The following PLPP4 variants were observed in gnomAD, a reference collection of about 807,000 sequenced individuals.
PLPP4 encodes the protein phospholipid phosphatase 4.
A neutral mutation model predicts 32.2 loss-of-function variants in PLPP4; 20 were observed. That is an observed-to-expected ratio of 0.62 (90% CI 0.44 to 0.90). The LOEUF (loss-of-function observed/expected upper bound fraction) is 0.90. PLPP4 is among the 40% of genes least tolerant of loss of function. The pLI, the probability that PLPP4 is intolerant of heterozygous loss-of-function variation, is 0.00. For missense variants in PLPP4, 257 were observed against 353.1 expected (o/e 0.73, Z 2.18); for synonymous variants, 127 against 133.0 (o/e 0.95, Z 0.31).
intron 1 of PLPP4, among the ~76,000 whole-genome samples, chr10:120,480,443 C>G (rs111849329): frequency 7.9e-5 from 12 of 152,220 alleles, no homozygotes; most frequent in African/African-American, 2.9e-4. Flanking sequence ...CCAGCCTTAT[C>G]AAATTTGCGA....
Position 120,538,715 on chromosome 10 carries a change from T to C in PLPP4, c.445+17620T>C, listed in dbSNP as rs563330110. Among the ~76,000 whole-genome samples the C allele has an allele frequency of 1.5e-4, 23 of 152,316 alleles. No homozygotes were observed. The South Asian group carries it at 3.7e-3, about 25-fold the overall frequency. ...TTACATTCTAGCCACCCTGTCCTTT[T>C]CATGATAATGCAAATGGCTATCATT... On this transcript the variant is annotated intron_variant, in intron 5 of 6. Transcript: ENST00000398250.
rs868338670 is a variant in PLPP4 at position 120,528,590 on chromosome 10, T to C, written c.445+7495T>C. Reference sequence around the variant, plus strand: ...TCATGGTTTTTTCCCTGAATTTTTATAACCCTACATCTCAAGCTTCCAAGA... The same window carrying C: ...TCATGGTTTTTTCCCTGAATTTTTACAACCCTACATCTCAAGCTTCCAAGA... On this transcript the variant is annotated intron_variant, in intron 5 of 6. Coordinates refer to ENST00000398250, the MANE Select transcript of PLPP4 (RefSeq NM_001030059.3). 7.9e-5 allele frequency among the ~76,000 whole-genome samples: 12 copies of C among 152,262 alleles called. No homozygotes were observed. In the South Asian group the frequency reaches 2.5e-3, roughly 32 times the overall value.
chr10:120,530,960 A>G (rs1846679625), intron 5 of PLPP4, among the ~76,000 whole-genome samples: 1 of 151,996 alleles, frequency 6.6e-6, no homozygotes, highest in Non-Finnish European at 1.5e-5. Context: ...TACTACATTA[A>G]TTGGTGGAGT....
intron 5 of PLPP4, among the ~76,000 whole-genome samples, chr10:120,559,776 A>G (rs1419060661): frequency 1.3e-5 from 2 of 152,244 alleles, no homozygotes; most frequent in African/African-American, 2.4e-5. Context: ...ATCTACATGT[A>G]TCATTTACTA....
chr10:120,569,016 A>G (rs1848809697), intron 5 of PLPP4, among the ~76,000 whole-genome samples: 1 of 152,106 alleles, frequency 6.6e-6, no homozygotes, highest in African/African-American at 2.4e-5. Flanking sequence ...AGGTGGGTGG[A>G]TCACTTGAGG....
intron 5 of PLPP4, among the ~76,000 whole-genome samples, chr10:120,542,012 G>A (rs1847368626): frequency 6.6e-6 from 1 of 152,110 alleles, no homozygotes; most frequent in Non-Finnish European, 1.5e-5. Context: ...TCCTGACCTC[G>A]TGATTCATTA....
At chr10:120,557,751 T>C (rs1848226708) in intron 5 of PLPP4, among the ~76,000 whole-genome samples, 1 of 152,212 alleles carries the variant, frequency 6.6e-6, no homozygotes, top group African/African-American at 2.4e-5. Context: ...ATTTTACAAT[T>C]AAGCTTTGAC....
chr10:120,508,226 G>A (rs1263414837), intron 2 of PLPP4, among the ~76,000 whole-genome samples: 1 of 152,168 alleles, frequency 6.6e-6, no homozygotes, highest in East Asian at 1.9e-4. Context: ...GATCATGATA[G>A]ACAATTTAAT....
intron 5 of PLPP4, among the ~76,000 whole-genome samples, chr10:120,526,221 T>C (rs1316826167): frequency 6.6e-6 from 1 of 152,196 alleles, no homozygotes; most frequent in African/African-American, 2.4e-5. Flanking sequence ...ACATCCTTTT[T>C]TTGTCTTTTC....
intron 3 of PLPP4, among the ~76,000 whole-genome samples, chr10:120,515,922 A>G (rs1055911462): frequency 3.9e-5 from 6 of 152,212 alleles, no homozygotes; most frequent in African/African-American, 1.4e-4. Flanking sequence ...GGCTGCTGTC[A>G]CAGCAGTAAG....
intron 5 of PLPP4, among the ~76,000 whole-genome samples, chr10:120,529,949 TCAAA>T (rs1302903197): frequency 6.6e-6 from 1 of 152,112 alleles, no homozygotes; most frequent in Non-Finnish European, 1.5e-5. Context: ...AAGACCTGTC[TCAAA>T]CAAACAAACA....
At chr10:120,524,311 G>A (rs1437219614) in intron 5 of PLPP4, among the ~76,000 whole-genome samples, 2 of 152,132 alleles carry the variant, frequency 1.3e-5, no homozygotes. Flanking sequence ...CTGCTCCTCA[G>A]AGGGGGTGAC....
Position 120,567,654 on chromosome 10 carries a change from T to G in PLPP4, c.446-7477T>G, listed in dbSNP as rs149498259. ...AGATCCGGAGCCCAAAGCTGGGTTTTCTTCATGTTGTTGCTGTTTGTTTGT... is the reference window on the plus strand; with the variant it reads ...AGATCCGGAGCCCAAAGCTGGGTTTGCTTCATGTTGTTGCTGTTTGTTTGT... On this transcript the variant is annotated intron_variant, in intron 5 of 6. Coordinates refer to ENST00000398250, the MANE Select transcript of PLPP4 (RefSeq NM_001030059.3). 3.3e-5 allele frequency among the ~76,000 whole-genome samples: 5 copies of G among 152,082 alleles called. No individual in the cohort carries two copies. In the East Asian group the frequency reaches 9.7e-4, roughly 29 times the overall value.
chr10:120,484,615 C>G (rs1238629856), intron 1 of PLPP4, among the ~76,000 whole-genome samples: 2 of 152,308 alleles, frequency 1.3e-5, no homozygotes, highest in East Asian at 3.9e-4. Context: ...GTTCCCATGT[C>G]TTAATATGCT....
intron 5 of PLPP4, among the ~76,000 whole-genome samples, chr10:120,550,696 A>G (rs897052829): frequency 6.6e-6 from 1 of 152,086 alleles, no homozygotes; most frequent in East Asian, 1.9e-4. Context: ...ATTCTGAATA[A>G]AAGTGTGGGA....
intron 6 of PLPP4, among the ~76,000 whole-genome samples, chr10:120,579,617 C>T (rs1032664843): frequency 6.6e-6 from 1 of 152,146 alleles, no homozygotes; most frequent in African/African-American, 2.4e-5. Flanking sequence ...GAAGCTATTC[C>T]CTTTGGAGAA....
chr10:120,580,941 G>T (rs1455550802), intron 6 of PLPP4: 3 of 1,289,120 alleles, frequency 2.3e-6, no homozygotes, highest in Non-Finnish European at 3.0e-6. Flanking sequence ...ATTTACCATC[G>T]GCTGCCAACC....
intron 6 of PLPP4, among the ~76,000 whole-genome samples, chr10:120,577,349 G>T (rs1849269663): frequency 6.6e-6 from 1 of 152,214 alleles, no homozygotes; most frequent in South Asian, 2.1e-4. Context: ...AACCTAGGAT[G>T]TGAGGCTGGC....
chr10:120,560,329 C>CAAAAAAAAAAAAAAAAA (rs35132547), intron 5 of PLPP4, among the ~76,000 whole-genome samples: 1 of 130,612 alleles, frequency 7.7e-6, no homozygotes, highest in African/African-American at 3.0e-5. Flanking sequence ...AGGACCATTG[C>CAAAAAAAAAAAAAAAAA]AAAAAAAAAA....
Sources: allele counts gnomAD v4.1 joint callset (sites outside exome capture counted in the v4.1 genomes callset), GRCh38; gene constraint gnomAD v4.1.1; transcripts MANE v1.5; gene names NCBI Gene and HGNC (gene_info 2026-07-23, HGNC 2026-07-21).